Variants in ADARB1 observed in about 807,000 individuals in gnomAD.
ADARB1 encodes the protein double-stranded RNA-specific editase 1.
Under a neutral mutation model 52.4 loss-of-function variants are expected in ADARB1, and 10 were observed. The observed-to-expected ratio is 0.19, with a 90% CI of 0.12 to 0.32. The LOEUF (loss-of-function observed/expected upper bound fraction) is 0.32, where lower values mean the gene tolerates loss of function less well. ADARB1 is among the 10% of genes least tolerant of loss of function. The pLI, the probability that ADARB1 is intolerant of heterozygous loss-of-function variation, is 1.00. For missense variants in ADARB1, 643 were observed against 922.3 expected (o/e 0.70, Z 3.92); for synonymous variants, 349 against 371.1 (o/e 0.94, Z 0.68).
intron 8 of ADARB1, among the ~76,000 whole-genome samples, chr21:45,186,640 CTG>C (rs2092117232): frequency 6.6e-6 from 1 of 152,204 alleles, no homozygotes; most frequent in Non-Finnish European, 1.5e-5. Flanking sequence ...TACATATTAA[CTG>C]TTCATCTTAC....
chr21:45,108,191 C>T (rs2087345272), intron 1 of ADARB1, among the ~76,000 whole-genome samples: 1 of 152,030 alleles, frequency 6.6e-6, no homozygotes, highest in Admixed American at 6.5e-5. Flanking sequence ...AGAAGAAACC[C>T]GAAATTCTAG....
At position 45,225,337 on chromosome 21, in the gene ADARB1, TGA is replaced by T; in HGVS notation, c.*3142_*3143del. On this transcript the variant is annotated 3_prime_UTR_variant, in exon 11 of 11. Transcript: ENST00000348831. ...CGCCAAAGAACTGCAGTTTTTATTC[TGA>T]GTCTTAATTTAACTTTTCATCATCT... The T allele has an allele frequency of 8.2e-7, 1 of 1,225,840 alleles. No homozygotes were observed. Among genetic ancestry groups the T allele is most frequent in the African/African-American group, 1.6e-5 (1 of 64,482 alleles). 75.9% of individuals were successfully genotyped at this position (1,225,840 alleles called of 1,614,324 possible).
chr21:45,206,242 AC>A (rs1260302983), intron 9 of ADARB1, among the ~76,000 whole-genome samples: 2 of 152,236 alleles, frequency 1.3e-5, no homozygotes, highest in Non-Finnish European at 2.9e-5. Context: ...GATACTTAAA[AC>A]ATTGCATGTG....
intron 8 of ADARB1, among the ~76,000 whole-genome samples, chr21:45,191,759 C>T (rs1426207309): frequency 6.7e-6 from 1 of 149,868 alleles, no homozygotes; most frequent in Admixed American, 6.7e-5. Context: ...AATATAGCCT[C>T]ATAAAGTGTG....
In ADARB1 at chr21:45,208,776, G is replaced by C. The variant is rs375926384; in HGVS notation, c.1747+4040G>C. Among the ~76,000 whole-genome samples, 5 of 152,130 alleles carry C rather than the reference G, an allele frequency of 3.3e-5. No individual in the cohort carries two copies. The highest frequency in any genetic ancestry group is 1.2e-4 in the African/African-American group (5 of 41,490). The stretch of plus-strand genomic sequence containing the variant: ...TATTCTCCAGGTAAGAGCAGGCACC[G>C]GGGTTGTGGGAAAGAGGTGTCAGTA... On this transcript the variant is annotated intron_variant, in intron 9 of 10. Transcript: ENST00000348831. This position sits in a 1 kb window ranked among gnomAD's most constrained non-coding sequence, Gnocchi z 5.6.
chr21:45,219,900 C>T (rs921130245), intron 9 of ADARB1, among the ~76,000 whole-genome samples: 1 of 152,084 alleles, frequency 6.6e-6, no homozygotes, highest in South Asian at 2.1e-4. Context: ...ACAAGCAAAA[C>T]GCCTTGAGCA....
Position 45,223,101 on chromosome 21 carries a change from C to T in ADARB1, c.*904C>T, listed in dbSNP as rs2092993386. 2 of 985,362 alleles carry T rather than the reference C, an allele frequency of 2.0e-6. No homozygotes were observed. The highest frequency in any genetic ancestry group is 1.7e-5 in the African/African-American group (1 of 57,254). 61.0% of individuals were successfully genotyped at this position (985,362 alleles called of 1,614,324 possible). On this transcript the variant is annotated 3_prime_UTR_variant, in exon 11 of 11. Coordinates refer to ENST00000348831, the MANE Select transcript of ADARB1 (RefSeq NM_001112.4). ...GAATCACGAGGGCTACTGCACAATA[C>T]ATGGCCTAAGTTCCCTCTGTTCCTT...
At position 45,223,522 on chromosome 21, in the gene ADARB1, G is replaced by C. The variant is rs890371664; in HGVS notation, c.*1325G>C. The C allele has an allele frequency of 3.0e-6, 3 of 985,588 alleles. No individual in the cohort carries two copies. Among genetic ancestry groups the C allele is most frequent in the Non-Finnish European group, 3.6e-6 (3 of 830,132 alleles). The allele number at this position is 985,588 out of a possible 1,614,324, so 61.1% of individuals were successfully genotyped here. A position where few individuals can be genotyped will look rare whatever the true frequency, so the allele number is the denominator to read the frequency against. On this transcript the variant is annotated 3_prime_UTR_variant, in exon 11 of 11. Coordinates refer to ENST00000348831, the MANE Select transcript of ADARB1 (RefSeq NM_001112.4). Reference sequence around the variant, plus strand: ...GCTCAGGATGAAAGAGGAGCTGAGAGAAGTGCTCTGCCTGCCAGTGCAGTG... The same window carrying C: ...GCTCAGGATGAAAGAGGAGCTGAGACAAGTGCTCTGCCTGCCAGTGCAGTG...
At chr21:45,137,228 T>A (rs966307556) in intron 2 of ADARB1, 2 of 152,154 alleles carry the variant, frequency 1.3e-5, no homozygotes, top group African/African-American at 4.8e-5. Context: ...TCCCAAAGGC[T>A]TTTTCTACAT....
At chr21:45,077,583 C>G (rs944425112) in intron 1 of ADARB1, among the ~76,000 whole-genome samples, 7 of 151,724 alleles carry the variant, frequency 4.6e-5, no homozygotes, top group Non-Finnish European at 1.0e-4. Flanking sequence ...AGGAAAATGG[C>G]GTGAACCCAG....
chr21:45,153,033 G>A (rs1281475491), intron 2 of ADARB1, among the ~76,000 whole-genome samples: 1 of 152,224 alleles, frequency 6.6e-6, no homozygotes, highest in Non-Finnish European at 1.5e-5. Context: ...CCCAGAGACA[G>A]ATGCTTATAT....
At chr21:45,158,426 T>A (rs912648043) in intron 2 of ADARB1, among the ~76,000 whole-genome samples, 1 of 152,192 alleles carries the variant, frequency 6.6e-6, no homozygotes, top group Non-Finnish European at 1.5e-5. Context: ...ATAAAACACA[T>A]AATTTGTTAG....
At chr21:45,169,714 G>A (rs1041093069) in intron 2 of ADARB1, among the ~76,000 whole-genome samples, 1 of 152,232 alleles carries the variant, frequency 6.6e-6, no homozygotes, top group Admixed American at 6.5e-5. Context: ...TAAGAACAGA[G>A]CTATTTGGAC....
rs2093050627 is a variant in ADARB1 at position 45,225,794 on chromosome 21, C to T, written c.*3597C>T. The T allele has an allele frequency of 2.5e-6, 1 of 393,358 alleles. No homozygotes were observed. Among genetic ancestry groups the T allele is most frequent in the Non-Finnish European group, 4.5e-6 (1 of 223,838 alleles). 24.4% of individuals were successfully genotyped at this position (393,358 alleles called of 1,614,324 possible). A position where few individuals can be genotyped will look rare whatever the true frequency, so the allele number is the denominator to read the frequency against. Reference sequence around the variant, plus strand: ...AAATTATAGACTTGCTCAAAAGATTCCTTTTTATCATCCCCACGCTGTGTA... The same window carrying T: ...AAATTATAGACTTGCTCAAAAGATTTCTTTTTATCATCCCCACGCTGTGTA... On this transcript the variant is annotated 3_prime_UTR_variant, in exon 11 of 11. Coordinates refer to ENST00000348831, the MANE Select transcript of ADARB1 (RefSeq NM_001112.4).
In ADARB1 at chr21:45,123,274, C is replaced by CGTGTGT. The variant is rs10647195; in HGVS notation, c.-219-5113_-219-5108dup. 1.7e-3 allele frequency among the ~76,000 whole-genome samples: 259 copies of CGTGTGT among 149,088 alleles called. 1 individual carries two copies. Among genetic ancestry groups the CGTGTGT allele is most frequent in the African/African-American group, 4.3e-3 (174 of 40,650 alleles). ...CATATGACACATCTAATATATACTA[C>CGTGTGT]GTGTGTGTGTGTGTGTGTGTATAAT... On this transcript the variant is annotated intron_variant, in intron 1 of 10. Coordinates refer to ENST00000348831, the MANE Select transcript of ADARB1 (RefSeq NM_001112.4).
intron 2 of ADARB1, chr21:45,144,627 A>G (rs1211181731): frequency 2.2e-6 from 1 of 453,652 alleles, no homozygotes; most frequent in African/African-American, 2.0e-5. Flanking sequence ...CAATAATCCT[A>G]AAGGTGGAAG....
At chr21:45,124,771 G>A (rs2330007) in intron 1 of ADARB1, among the ~76,000 whole-genome samples, 2,741 of 104,198 alleles carry the variant, frequency 0.026, 93 homozygotes, top group African/African-American at 0.091. Context: ...TAAATGGTGT[G>A]TGTGTGTGTG....
chr21:45,106,206 T>A (rs1191581003), intron 1 of ADARB1, among the ~76,000 whole-genome samples: 2 of 151,614 alleles, frequency 1.3e-5, no homozygotes, highest in South Asian at 2.1e-4. Context: ...TTTTTTTTTA[T>A]AGGTCCTTTC....
At chr21:45,164,611 C>T (rs927113563) in intron 2 of ADARB1, among the ~76,000 whole-genome samples, 18 of 151,956 alleles carry the variant, frequency 1.2e-4, no homozygotes, top group Non-Finnish European at 1.8e-4. Flanking sequence ...AAGCCTTGCG[C>T]GAGGACATGG....
Sources: allele counts gnomAD v4.1 joint callset (sites outside exome capture counted in the v4.1 genomes callset), GRCh38; gene constraint gnomAD v4.1.1; non-coding constraint Gnocchi (gnomAD v3.1); transcripts MANE v1.5; gene names NCBI Gene and HGNC (gene_info 2026-07-23, HGNC 2026-07-21).